WNT2: variants seen among roughly 807,000 people sequenced by gnomAD.
WNT2 encodes Wnt family member 2, also known as protein Wnt-2.
WNT2 carries 12 observed loss-of-function variants against 36.9 expected under a neutral mutation model. The observed-to-expected ratio is 0.33, with a 90% CI of 0.21 to 0.53. WNT2 has a LOEUF of 0.53. Among genes scored for constraint, WNT2 ranks in the 20% least tolerant of loss-of-function variants. The probability of loss-of-function intolerance (pLI) is 0.95; values close to 1 mark genes in which losing one functional copy is unlikely to be tolerated. For synonymous variants in WNT2, 163 were observed against 174.6 expected, an observed-to-expected ratio of 0.93 and a Z score of 0.52; for missense variants, 379 against 473.1, an observed-to-expected ratio of 0.80 and a Z score of 1.84.
intron 2 of WNT2, among the ~76,000 whole-genome samples, chr7:117,316,559 T>C (rs1042001282): frequency 4.6e-5 from 7 of 152,234 alleles, no homozygotes; most frequent in Non-Finnish European, 8.8e-5. Context: ...CTTTTCACAT[T>C]GAAGCCCTGC....
chr7:117,316,691 C>T (rs1795225614), intron 2 of WNT2, among the ~76,000 whole-genome samples: 1 of 152,158 alleles, frequency 6.6e-6, no homozygotes, highest in African/African-American at 2.4e-5. Context: ...GCACTTACCT[C>T]AGCTTTCAGA....
At chr7:117,285,411 C>A (rs1390004895) in intron 4 of WNT2, among the ~76,000 whole-genome samples, 1 of 152,184 alleles carries the variant, frequency 6.6e-6, no homozygotes, top group African/African-American at 2.4e-5. Context: ...CTAGGCAGAA[C>A]CTTCTGGTTC....
intron 4 of WNT2, 143 bp downstream of exon 4, chr7:117,297,469 C>CTGT (rs1470119188): frequency 2.7e-6 from 3 of 1,131,876 alleles, no homozygotes; most frequent in African/African-American, 3.1e-5. Flanking sequence ...CGCGCCCAGC[C>CTGT]CTGTACAGTT....
chr7:117,295,746 G>A (rs186752919), intron 4 of WNT2, among the ~76,000 whole-genome samples: 214 of 152,278 alleles, frequency 1.4e-3, no homozygotes, highest in South Asian at 5.8e-3. Flanking sequence ...ACAGGCCAAG[G>A]GATCAGACAT....
At chr7:117,282,749 C>T (rs1411627615) in intron 4 of WNT2, among the ~76,000 whole-genome samples, 2 of 152,132 alleles carry the variant, frequency 1.3e-5, no homozygotes, top group Non-Finnish European at 2.9e-5. Context: ...AACATGTTCT[C>T]ATTTGTGTTT....
intron 4 of WNT2, 49 bp from the exon 5 acceptor site, chr7:117,278,433 A>C: frequency 6.4e-7 from 1 of 1,551,256 alleles, no homozygotes; most frequent in Non-Finnish European, 8.8e-7. Context: ...GGTGGAATCC[A>C]ATATGCCTCC....
chr7:117,296,307 C>T (rs761764304), intron 4 of WNT2, among the ~76,000 whole-genome samples: 5 of 152,180 alleles, frequency 3.3e-5, no homozygotes, highest in Non-Finnish European at 5.9e-5. Context: ...CTGCATGTAG[C>T]AACCTGCTCA....
chr7:117,282,800 G>A (rs1478722772), intron 4 of WNT2, among the ~76,000 whole-genome samples: 3 of 152,204 alleles, frequency 2.0e-5, no homozygotes, highest in African/African-American at 7.2e-5. Context: ...ATGAAGTGGA[G>A]GGGGCTGGAG....
chr7:117,311,499 A>C (rs1795122035), intron 3 of WNT2, among the ~76,000 whole-genome samples: 4 of 152,208 alleles, frequency 2.6e-5, no homozygotes. Flanking sequence ...CTCATCTGAA[A>C]AGTAGAAATA....
chr7:117,299,730 A>G (rs951074452), intron 3 of WNT2, among the ~76,000 whole-genome samples: 2 of 152,096 alleles, frequency 1.3e-5, no homozygotes, highest in African/African-American at 4.8e-5. Context: ...TCTTGAGTTC[A>G]GGTAATCTTC....
At position 117,322,172 on chromosome 7, in the gene WNT2, T is replaced by C. The variant is rs1218497052; in HGVS notation, c.83+735A>G. 2 of 152,164 alleles carry C rather than the reference T, an allele frequency of 1.3e-5. No individual in the cohort carries two copies. Among genetic ancestry groups the C allele is most frequent in the Non-Finnish European group, 2.9e-5 (2 of 68,046 alleles). 9.4% of individuals were successfully genotyped at this position (152,164 alleles called of 1,614,324 possible). A position where few individuals can be genotyped will look rare whatever the true frequency, so the allele number is the denominator to read the frequency against. On this transcript the variant is annotated intron_variant, in intron 1 of 4. Transcript: ENST00000265441. This position sits in a 1 kb window ranked among gnomAD's most constrained non-coding sequence, Gnocchi z 5.4. ...TCTGCCTTTGGAACTTTTAGCGACC[T>C]GGTATGGTTCAACATTCCATCACTA...
chr7:117,297,971 A>C, intron 3 of WNT2, 95 bp from the exon 4 acceptor site: 13 of 1,458,840 alleles, frequency 8.9e-6, no homozygotes, highest in Non-Finnish European at 1.2e-5. Context: ...AGTGATTCTC[A>C]GGATGCTGGA....
rs200088733 is a variant in WNT2, at chr7:117,296,492, T to TA, written c.853+1119dup. ...TGGTGCCTCTGCAATTATTTTGAAATAAAAAAAAATCAGACTCTAAGAGGA... is the reference window on the plus strand; with the variant it reads ...TGGTGCCTCTGCAATTATTTTGAAATAAAAAAAAAATCAGACTCTAAGAGGA... On this transcript the variant is annotated intron_variant, in intron 4 of 4. Coordinates refer to ENST00000265441, the MANE Select transcript of WNT2 (RefSeq NM_003391.3). Among the ~76,000 whole-genome samples, 573 of 151,594 alleles carry TA rather than the reference T, an allele frequency of 3.8e-3. 4 individuals carry two copies. Among genetic ancestry groups the TA allele is most frequent in the African/African-American group, 0.012 (515 of 41,376 alleles).
chr7:117,314,656 T>G (rs1412031212), intron 3 of WNT2, among the ~76,000 whole-genome samples: 1 of 152,036 alleles, frequency 6.6e-6, no homozygotes, highest in Non-Finnish European at 1.5e-5. Flanking sequence ...CTTGATGAGT[T>G]GTTTTCATGA....
intron 4 of WNT2, among the ~76,000 whole-genome samples, chr7:117,279,855 C>T (rs1024622020): frequency 5.3e-5 from 8 of 152,152 alleles, no homozygotes; most frequent in African/African-American, 1.9e-4. Context: ...ATGAAAAAGA[C>T]AGTGACTTAA....
At chr7:117,305,276 C>A (rs1415560675) in intron 3 of WNT2, among the ~76,000 whole-genome samples, 1 of 152,150 alleles carries the variant, frequency 6.6e-6, no homozygotes, top group Admixed American at 6.5e-5. Context: ...AAACATTTAT[C>A]TTTTGGGCTT....
At chr7:117,319,947 A>C (rs1401971206) in intron 2 of WNT2, among the ~76,000 whole-genome samples, 1 of 152,204 alleles carries the variant, frequency 6.6e-6, no homozygotes, top group Non-Finnish European at 1.5e-5. Flanking sequence ...GGCCTGCAAT[A>C]CACAAGGCAC....
At position 117,288,081 on chromosome 7, in the gene WNT2, T is replaced by C. The variant is rs181176078; in HGVS notation, c.853+9531A>G. ...CTGGTCACCCAGTCTTCAGGCACCATGGTGGCAGCAGACCAGCTAAACCTT... is the reference window on the plus strand; with the variant it reads ...CTGGTCACCCAGTCTTCAGGCACCACGGTGGCAGCAGACCAGCTAAACCTT... On this transcript the variant is annotated intron_variant, in intron 4 of 4. Coordinates refer to ENST00000265441, the MANE Select transcript of WNT2 (RefSeq NM_003391.3). Among the ~76,000 whole-genome samples the C allele has an allele frequency of 6.3e-3, 959 of 152,272 alleles. 12 individuals are homozygous for C. Among genetic ancestry groups the C allele is most frequent in the African/African-American group, 0.022 (903 of 41,550 alleles).
In WNT2 at chr7:117,317,180, C is replaced by T. The variant is rs367946464; in HGVS notation, c.311-1832G>A. Among the ~76,000 whole-genome samples, 29 of 152,098 alleles carry T rather than the reference C, an allele frequency of 1.9e-4. No homozygotes were observed. In the East Asian group the frequency reaches 2.7e-3, roughly 14 times the overall value. ...AGACATTTTATGAAGTGGTCTATTACGGGAAAGACATGGAAGACGGGGATG... is the reference window on the plus strand; with the variant it reads ...AGACATTTTATGAAGTGGTCTATTATGGGAAAGACATGGAAGACGGGGATG... On this transcript the variant is annotated intron_variant, in intron 2 of 4. Transcript: ENST00000265441.
Sources: gnomAD v4.1 joint callset for allele counts (sites outside exome capture counted in the v4.1 genomes callset) on GRCh38, gnomAD v4.1.1 for gene constraint, Gnocchi (gnomAD v3.1) non-coding constraint, MANE v1.5 for transcripts, NCBI Gene and HGNC (gene_info 2026-07-23, HGNC 2026-07-21) for gene names.